EXOC4: variants seen among roughly 807,000 people sequenced by gnomAD.
EXOC4 encodes SEC8-like 1.
EXOC4 carries 71 observed loss-of-function variants against 107.2 expected under a neutral mutation model. That is an observed-to-expected ratio of 0.66 (90% confidence interval 0.55 to 0.81). The LOEUF is 0.81. Among genes scored for constraint, EXOC4 ranks in the 30% least tolerant of loss-of-function variants. The probability of loss-of-function intolerance (pLI) is 0.00; values close to 1 mark genes in which losing one functional copy is unlikely to be tolerated. For missense variants in EXOC4, 1,108 were observed against 1,189.6 expected, an observed-to-expected ratio of 0.93 and a Z score of 1.01; for synonymous variants, 456 against 441.2, an observed-to-expected ratio of 1.03 and a Z score of -0.42.
intron 9 of EXOC4, among the ~76,000 whole-genome samples, chr7:133,532,136 T>C (rs1471765417): frequency 6.6e-6 from 1 of 152,100 alleles, no homozygotes; most frequent in Non-Finnish European, 1.5e-5. Flanking sequence ...TGGAGCACTT[T>C]AGATTTTGAA....
intron 15 of EXOC4, among the ~76,000 whole-genome samples, chr7:134,003,970 C>T (rs559232516): frequency 1.3e-5 from 2 of 152,248 alleles, no homozygotes; most frequent in Admixed American, 6.5e-5. Context: ...TGCCCTCCTT[C>T]CTCAAGCTGT....
At chr7:133,348,045 T>TA (rs1312527633) in intron 5 of EXOC4, among the ~76,000 whole-genome samples, 3 of 152,176 alleles carry the variant, frequency 2.0e-5, no homozygotes, top group African/African-American at 7.2e-5. Flanking sequence ...AGTTTGGAAA[T>TA]ACGTATATTT....
At chr7:133,404,853 T>G in intron 7 of EXOC4, among the ~76,000 whole-genome samples, 1 of 145,070 alleles carries the variant, frequency 6.9e-6, no homozygotes, top group African/African-American at 2.6e-5. Context: ...ATAGTGAGAC[T>G]GCGCCTCCAC....
chr7:133,356,216 CTCTTTAAT>C, intron 5 of EXOC4, 106 bp from the exon 6 acceptor site: 1 of 1,059,502 alleles, frequency 9.4e-7, no homozygotes, highest in Admixed American at 2.5e-5. Flanking sequence ...TTGAAAAATC[CTCTTTAAT>C]TCTTTAAGAG....
chr7:133,971,175 A>G (rs1801212432), intron 14 of EXOC4, among the ~76,000 whole-genome samples: 1 of 151,850 alleles, frequency 6.6e-6, no homozygotes, highest in East Asian at 1.9e-4. Flanking sequence ...CAAATGGAGG[A>G]AAACCTAATC....
chr7:133,842,623 T>C lies in EXOC4; in HGVS notation c.1734+25079T>C, dbSNP rs149679204. ...CTGTTTACTCTGTTGATAGTTTCTT[T>C]TGCTATGCAGAAGCTCTTTAGTTTA... On this transcript the variant is annotated intron_variant, in intron 11 of 17. Transcript: ENST00000253861. Among the ~76,000 whole-genome samples, 365 of 152,372 alleles carry C rather than the reference T, an allele frequency of 2.4e-3. 5 individuals carry two copies. The highest frequency in any genetic ancestry group is 8.2e-3 in the African/African-American group (341 of 41,594).
chr7:133,501,385 A>T (rs1050304709), intron 9 of EXOC4, among the ~76,000 whole-genome samples: 13 of 152,130 alleles, frequency 8.5e-5, no homozygotes, highest in Non-Finnish European at 1.6e-4. Context: ...AAATGAAGTT[A>T]TGTATAGGTG....
At chr7:134,037,029 G>A (rs2116507890) in intron 17 of EXOC4, among the ~76,000 whole-genome samples, 1 of 152,256 alleles carries the variant, frequency 6.6e-6, no homozygotes, top group East Asian at 1.9e-4. Flanking sequence ...TGTGTAAGAG[G>A]ATTCTAGCAC....
intron 10 of EXOC4, among the ~76,000 whole-genome samples, chr7:133,771,643 T>C (rs1562990723): frequency 1.3e-5 from 2 of 152,024 alleles, no homozygotes; most frequent in Non-Finnish European, 2.9e-5. Context: ...CATGGTTGTT[T>C]AGGAATAATT....
chr7:133,650,597 A>C (rs1003280225), intron 10 of EXOC4, among the ~76,000 whole-genome samples: 1 of 152,136 alleles, frequency 6.6e-6, no homozygotes, highest in Admixed American at 6.6e-5. Context: ...CTTCAAACTA[A>C]TGGAGTAGCT....
Position 133,938,065 on chromosome 7 carries a change from C to A in EXOC4, c.2202C>A (p.Ser734=), listed in dbSNP as rs200535724. The A allele has an allele frequency of 6.8e-6, 11 of 1,613,920 alleles. 1 individual carries two copies. Among genetic ancestry groups the A allele is most frequent in the African/African-American group, 2.7e-5 (2 of 74,882 alleles). Residue 734 remains serine (S), a synonymous_variant, in exon 14 of 18, where the codon TCC becomes TCA. Transcript: ENST00000253861. ...CAGCTTTCTCCAATCTTTCTACATCCCAGAGTAAGTATCTAGTAGGAAGCT... is the reference window on the plus strand; with the variant it reads ...CAGCTTTCTCCAATCTTTCTACATCACAGAGTAAGTATCTAGTAGGAAGCT... ...TKSAFSNLST[S]QMLSPAQDSH...
At chr7:133,912,747 C>T (rs928895409) in intron 12 of EXOC4, among the ~76,000 whole-genome samples, 1 of 152,090 alleles carries the variant, frequency 6.6e-6, no homozygotes, top group Non-Finnish European at 1.5e-5. Context: ...ATATGGGATT[C>T]CAGCTTGCAA....
intron 10 of EXOC4, among the ~76,000 whole-genome samples, chr7:133,711,294 T>C (rs1029108082): frequency 1.3e-5 from 2 of 152,222 alleles, no homozygotes; most frequent in Admixed American, 6.5e-5. Context: ...CCACTAAACA[T>C]TTCAATTTGC....
At chr7:133,944,288 G>T (rs1425979122) in intron 14 of EXOC4, among the ~76,000 whole-genome samples, 1 of 151,980 alleles carries the variant, frequency 6.6e-6, no homozygotes, top group Admixed American at 6.5e-5. Flanking sequence ...GTCTCCTTAG[G>T]CTCATTTAGA....
In EXOC4 at chr7:133,478,134, T is replaced by G. The variant is rs557020723; in HGVS notation, c.1329-1916T>G. ...GCAGGCCCTTTTCTTTTCTTTTTTT[T>G]TTTTTCTTTTCTCTATTTCTAGCTC... On this transcript the variant is annotated intron_variant, in intron 8 of 17. Coordinates refer to ENST00000253861, the MANE Select transcript of EXOC4 (RefSeq NM_021807.4). Among the ~76,000 whole-genome samples, 6 of 151,628 alleles carry G rather than the reference T, an allele frequency of 4.0e-5. No individual in the cohort carries two copies. The South Asian group carries it at 1.2e-3, about 31-fold the overall frequency.
intron 14 of EXOC4, among the ~76,000 whole-genome samples, chr7:133,955,545 A>C (rs1800797734): frequency 1.3e-5 from 2 of 152,220 alleles, no homozygotes; most frequent in Admixed American, 6.5e-5. Context: ...AAAAAGTAAC[A>C]TAAGTTCCCA....
intron 12 of EXOC4, among the ~76,000 whole-genome samples, chr7:133,903,015 G>T (rs1254265706): frequency 1.3e-5 from 2 of 152,214 alleles, no homozygotes; most frequent in Non-Finnish European, 2.9e-5. Flanking sequence ...TAGAGGAAAG[G>T]CTCCAAGGAG....
chr7:133,330,157 C>T (rs765014714), intron 5 of EXOC4, among the ~76,000 whole-genome samples: 2 of 152,112 alleles, frequency 1.3e-5, no homozygotes, highest in East Asian at 1.9e-4. Flanking sequence ...CTGGCCACAG[C>T]GGCCTTGCTG....
intron 10 of EXOC4, among the ~76,000 whole-genome samples, chr7:133,650,113 T>C (rs1803103722): frequency 6.6e-6 from 1 of 152,138 alleles, no homozygotes; most frequent in Non-Finnish European, 1.5e-5. Flanking sequence ...TCATTTTTCC[T>C]CTATTTTTCA....
Sources: gnomAD v4.1 joint callset for allele counts (sites outside exome capture counted in the v4.1 genomes callset) on GRCh38, gnomAD v4.1.1 for gene constraint, MANE v1.5 for transcripts, NCBI Gene and HGNC (gene_info 2026-07-23, HGNC 2026-07-21) for gene names.